XXYLT1: variants seen among roughly 807,000 people sequenced by gnomAD.
XXYLT1 encodes UDP-xylose:alpha-xyloside alpha-1,3-xylosyltransferase.
XXYLT1 carries 20 observed loss-of-function variants against 28.9 expected under a neutral mutation model. The observed-to-expected ratio is 0.69, with a 90% CI of 0.49 to 1.00. XXYLT1 has a LOEUF of 1.00. Ranked by LOEUF, XXYLT1 falls within the 50% of genes least tolerant of loss-of-function variation. The pLI is 0.00. For missense variants in XXYLT1, 542 were observed against 560.1 expected (o/e 0.97, Z 0.33); for synonymous variants, 257 against 253.8 (o/e 1.01, Z -0.12).
At chr3:195,110,205 GGTGTGTGC>G (rs1717464820) in intron 3 of XXYLT1, among the ~76,000 whole-genome samples, 5 of 69,394 alleles carry the variant, frequency 7.2e-5, no homozygotes, top group Admixed American at 1.6e-4. Flanking sequence ...GTGTATGTGT[GGTGTGTGC>G]GTGTGTGGTG....
rs1412061173 is a variant in XXYLT1, at chr3:195,256,057, C to T, written c.504+14498G>A. Among the ~76,000 whole-genome samples, 1 of 152,194 alleles carries T rather than the reference C, an allele frequency of 6.6e-6. No homozygotes were observed. The highest frequency in any genetic ancestry group is 1.9e-4 in the East Asian group (1 of 5,198). ...ACCCAGCCAGCAGCAGGCACAGGGG[C>T]ACCGTGGGAACCCTTCTGGTGGGGC... On this transcript the variant is annotated intron_variant, in intron 1 of 3. Transcript: ENST00000310380. The surrounding 1 kb of genome is among the most constrained non-coding windows in gnomAD (Gnocchi z 4.2).
chr3:195,145,354 A>C (rs7612579), intron 3 of XXYLT1, among the ~76,000 whole-genome samples: 55,110 of 113,440 alleles, frequency 0.49, 12,237 homozygotes, highest in East Asian at 0.83. Context: ...GAACGGGCAC[A>C]TCACTCCACG....
chr3:195,162,026 C>A (rs1720897372), intron 2 of XXYLT1, among the ~76,000 whole-genome samples: 2 of 151,252 alleles, frequency 1.3e-5, no homozygotes, highest in African/African-American at 4.9e-5. Context: ...GAATCTGAGG[C>A]TGCAGTGAGC....
At chr3:195,222,329 A>T (rs201744609) in intron 2 of XXYLT1, among the ~76,000 whole-genome samples, 1 of 152,166 alleles carries the variant, frequency 6.6e-6, no homozygotes, top group East Asian at 1.9e-4. Flanking sequence ...TCCAGTGGGG[A>T]CAGCCACTGT....
At chr3:195,134,141 C>G (rs915132285) in intron 3 of XXYLT1, among the ~76,000 whole-genome samples, 1 of 152,104 alleles carries the variant, frequency 6.6e-6, no homozygotes, top group African/African-American at 2.4e-5. Context: ...TTACAAGAGT[C>G]AAAAAGGTTT....
chr3:195,243,031 C>T (rs934780504), intron 1 of XXYLT1, among the ~76,000 whole-genome samples: 22 of 151,896 alleles, frequency 1.4e-4, no homozygotes, highest in African/African-American at 5.3e-4. Context: ...TATGCAGACA[C>T]AAAAAAGGAT....
chr3:195,156,410 A>T, intron 3 of XXYLT1, 39 bp downstream of exon 3: 1 of 1,603,624 alleles, frequency 6.2e-7, no homozygotes, highest in Non-Finnish European at 8.5e-7. Flanking sequence ...AAGGGTGGGG[A>T]GGGGTCGTGG....
intron 2 of XXYLT1, among the ~76,000 whole-genome samples, chr3:195,169,367 T>G (rs1038396331): frequency 6.6e-6 from 1 of 152,162 alleles, no homozygotes; most frequent in African/African-American, 2.4e-5. Context: ...TCGGCATCAC[T>G]TCCACTCCAT....
chr3:195,213,781 G>A (rs899771540), intron 2 of XXYLT1, among the ~76,000 whole-genome samples: 1 of 152,286 alleles, frequency 6.6e-6, no homozygotes, highest in South Asian at 2.1e-4. Flanking sequence ...CTCGGTATCA[G>A]GCCCTGGAAC....
In XXYLT1 at chr3:195,248,004, T is replaced by A. The variant is rs950203377; in HGVS notation, c.505-21148A>T. The A allele has an allele frequency of 7.5e-6, 4 of 535,484 alleles. 1 individual carries two copies. Among genetic ancestry groups the A allele is most frequent in the Admixed American group, 6.7e-5 (2 of 29,904 alleles). The allele number at this position is 535,484 out of a possible 1,614,324, so 33.2% of individuals were successfully genotyped here. On this transcript the variant is annotated intron_variant, in intron 1 of 3. Coordinates refer to ENST00000310380, the MANE Select transcript of XXYLT1 (RefSeq NM_152531.5). The stretch of plus-strand genomic sequence containing the variant: ...CCTCTGACACGTGGGGATTACAATT[T>A]GAGGTGAGATTTGGGTGGAGACACA...
chr3:195,122,550 G>A (rs1180383853), intron 3 of XXYLT1, among the ~76,000 whole-genome samples: 1 of 152,074 alleles, frequency 6.6e-6, no homozygotes, highest in Non-Finnish European at 1.5e-5. Context: ...CCCCATGCCT[G>A]AGCACCCCAG....
At chr3:195,154,972 G>C (rs1720480505) in intron 3 of XXYLT1, among the ~76,000 whole-genome samples, 1 of 152,130 alleles carries the variant, frequency 6.6e-6, no homozygotes, top group Admixed American at 6.5e-5. Flanking sequence ...GAAGGGGAGG[G>C]AAGAAGGTGG....
At chr3:195,218,045 C>G (rs1333605231) in intron 2 of XXYLT1, among the ~76,000 whole-genome samples, 4 of 149,692 alleles carry the variant, frequency 2.7e-5, no homozygotes, top group African/African-American at 5.1e-5. Flanking sequence ...ACAAACCTGA[C>G]AAAAACAAGT....
intron 3 of XXYLT1, among the ~76,000 whole-genome samples, chr3:195,109,537 A>T (rs1288311875): frequency 2.2e-5 from 2 of 89,464 alleles, no homozygotes; most frequent in Non-Finnish European, 5.1e-5. Context: ...TGTGGTGTAC[A>T]TGTGTAGGGG....
chr3:195,170,955 G>T (rs1002001963), intron 2 of XXYLT1, among the ~76,000 whole-genome samples: 2 of 152,136 alleles, frequency 1.3e-5, no homozygotes, highest in Admixed American at 1.3e-4. Flanking sequence ...GAATGGGAAA[G>T]TTCAGTCAAA....
chr3:195,120,844 G>A (rs1718318210), intron 3 of XXYLT1, among the ~76,000 whole-genome samples: 1 of 152,164 alleles, frequency 6.6e-6, no homozygotes, highest in African/African-American at 2.4e-5. Flanking sequence ...GGCCTGGCTG[G>A]CACAGCTCCT....
chr3:195,087,391 G>T, intron 3 of XXYLT1: 1 of 152,438 alleles, frequency 6.6e-6, no homozygotes. Context: ...TGCTGTGCTT[G>T]GGGTGCTCCC....
At chr3:195,189,662 A>G (rs1722339494) in intron 2 of XXYLT1, among the ~76,000 whole-genome samples, 1 of 152,216 alleles carries the variant, frequency 6.6e-6, no homozygotes, top group South Asian at 2.1e-4. Flanking sequence ...TCCAGTCTGA[A>G]GAATAGAAAA....
At chr3:195,072,879 C>T (rs115544662) in intron 3 of XXYLT1, among the ~76,000 whole-genome samples, 262 of 152,276 alleles carry the variant, frequency 1.7e-3, no homozygotes, top group Non-Finnish European at 2.2e-3. Context: ...GCATCAGCCT[C>T]GGGGTAGAAG....
Sources: allele counts gnomAD v4.1 joint callset (sites outside exome capture counted in the v4.1 genomes callset), GRCh38; gene constraint gnomAD v4.1.1; non-coding constraint Gnocchi (gnomAD v3.1); transcripts MANE v1.5; gene names NCBI Gene and HGNC (gene_info 2026-07-23, HGNC 2026-07-21).